CTSA: variants seen among roughly 807,000 people sequenced by gnomAD.
The protein encoded by CTSA is cathepsin A.
CTSA carries 42 observed loss-of-function variants against 66.7 expected under a neutral mutation model. That is an observed-to-expected ratio of 0.63 (90% CI 0.49 to 0.81). CTSA has a LOEUF of 0.81. Among genes scored for constraint, CTSA ranks in the 40% least tolerant of loss-of-function variants. CTSA has a pLI of 0.00. For missense variants in CTSA, 525 were observed against 610.9 expected (o/e 0.86, Z 1.48); for synonymous variants, 225 against 248.6 (o/e 0.91, Z 0.89).
intron 11 of CTSA, among the ~76,000 whole-genome samples, chr20:45,895,677 C>T (rs2145820563): frequency 6.6e-6 from 1 of 152,260 alleles, no homozygotes; most frequent in East Asian, 1.9e-4. Flanking sequence ...ACCTCCTAGG[C>T]TCAAGCGATC....
In CTSA at chr20:45,894,761, C is replaced by T. The variant is rs765166702; in HGVS notation, c.869+20C>T. 8.1e-6 allele frequency: 13 copies of T among 1,612,856 alleles called. No individual in the cohort carries two copies. The Admixed American group carries it at 1.2e-4, about 15-fold the overall frequency. On this transcript the variant is annotated intron_variant, in intron 9 of 14. Coordinates refer to ENST00000646241, the MANE Select transcript of CTSA (RefSeq NM_000308.4). ...TTTTAGGTAGGTGCTGCTGGGTGCC[C>T]CTGGAGCCAACCCCAGCCCCATCTG...
chr20:45,893,160 GT>G, intron 6 of CTSA, 59 bp from the exon 7 acceptor site: 6 of 1,432,256 alleles, frequency 4.2e-6, no homozygotes, highest in Non-Finnish European at 5.9e-6. Context: ...GGGTGGTAGG[GT>G]GAGGGAGGCT....
At chr20:45,897,094 C>A in intron 12 of CTSA, 54 bp downstream of exon 12, 3 of 1,393,734 alleles carry the variant, frequency 2.2e-6, no homozygotes, top group Non-Finnish European at 3.1e-6. Context: ...CCCAGAGTAG[C>A]ACAGCAAGCT....
chr20:45,891,473 G>C lies in CTSA; in HGVS notation c.-1+94G>C. The C allele has an allele frequency of 6.5e-7, 1 of 1,546,954 alleles. No individual in the cohort carries two copies. The highest frequency in any genetic ancestry group is 8.7e-7 in the Non-Finnish European group (1 of 1,146,076). ...GGGTGGGAGCTGGCGCTGGGGCCGG[G>C]GCTTCCCTCGCGGAGGCGCCGCCAG... On this transcript the variant is annotated intron_variant, in intron 1 of 14. Coordinates refer to ENST00000646241, the MANE Select transcript of CTSA (RefSeq NM_000308.4). The surrounding 1 kb of genome is among the most constrained non-coding windows in gnomAD (Gnocchi z 4.6).
At chr20:45,895,941 T>C (rs903383244) in intron 11 of CTSA, among the ~76,000 whole-genome samples, 1 of 152,174 alleles carries the variant, frequency 6.6e-6, no homozygotes, top group Non-Finnish European at 1.5e-5. Flanking sequence ...ACGCCTGTAA[T>C]CCTAGCACTT....
chr20:45,896,728 C>A (rs1425986273), intron 11 of CTSA: 2 of 541,844 alleles, frequency 3.7e-6, no homozygotes, highest in Non-Finnish European at 6.7e-6. Flanking sequence ...TGAGCCACCA[C>A]GCCCAGCATC....
chr20:45,895,343 C>A, intron 11 of CTSA: 1 of 587,530 alleles, frequency 1.7e-6, no homozygotes, highest in Non-Finnish European at 2.9e-6. Context: ...TTGTTTGAGA[C>A]AAGGTCTCAC....
chr20:45,892,124 C>A, intron 3 of CTSA, 97 bp downstream of exon 3: 1 of 1,456,560 alleles, frequency 6.9e-7, no homozygotes, highest in Non-Finnish European at 9.6e-7. Flanking sequence ...TTCCTTCCTT[C>A]TAAGCCTCGG....
intron 11 of CTSA, 35 bp downstream of exon 11, chr20:45,895,168 T>C (rs940706934): frequency 6.2e-7 from 1 of 1,613,566 alleles, no homozygotes; most frequent in African/African-American, 1.3e-5. Context: ...CTTGGGGTGG[T>C]GGGTTGCTGG....
chr20:45,893,260 A>G lies in CTSA; in HGVS notation c.641A>G (p.Asn214Ser), dbSNP rs1486940500. The change falls in exon 7 of 15, where the codon AAT (asparagine) becomes AGT (serine). Residue 214 changes from asparagine to serine, a missense_variant. Physicochemically the swap from Asn to Ser is conservative, Grantham distance 46. Coordinates refer to ENST00000646241, the MANE Select transcript of CTSA (RefSeq NM_000308.4). ...VGNGLSSYEQ[N>S]DNSLVYFAYY... ...AATGGACTCTCCTCCTATGAGCAGA[A>G]TGACAACTCCCTGGTCTACTTTGCC... is the stretch of plus-strand genomic sequence containing the variant. 2 of 1,614,140 alleles carry G rather than the reference A, an allele frequency of 1.2e-6. No homozygotes were observed. Among genetic ancestry groups the G allele is most frequent in the Non-Finnish European group, 1.7e-6 (2 of 1,180,024 alleles).
rs757997255 is a variant in CTSA, at chr20:45,892,427, A to T, written c.387A>T (p.Pro129=). 6.2e-7 allele frequency: 1 copy of T among 1,614,154 alleles called. No individual in the cohort carries two copies. The highest frequency in any genetic ancestry group is 1.7e-5 in the Admixed American group (1 of 60,010). The change falls in exon 5 of 15, where the codon CCA becomes CCT. Residue 129 remains proline (P), a synonymous_variant. Coordinates refer to ENST00000646241, the MANE Select transcript of CTSA (RefSeq NM_000308.4). ...CCAATGTGTTATACCTGGAGTCCCC[A>T]GCTGGGGTGGGCTTCTCCTACTCCG... ...LIANVLYLES[P]AGVGFSYSDD...
In CTSA at chr20:45,891,838, C is replaced by T. The variant is rs956979330; in HGVS notation, c.194+76C>T. 6 of 1,608,880 alleles carry T rather than the reference C, an allele frequency of 3.7e-6. No homozygotes were observed. The African/African-American group carries it at 5.3e-5, about 14-fold the overall frequency. On this transcript the variant is annotated intron_variant, in intron 2 of 14. Transcript: ENST00000646241. The surrounding 1 kb of genome is among the most constrained non-coding windows in gnomAD (Gnocchi z 4.6). ...GGGATGGGGGGTAGTTCTGCAGACC[C>T]CTGAGGATGCCTGGGAGCCGGGAGG...
Position 45,891,386 on chromosome 20 carries a change from T to C in CTSA, c.-1+7T>C, listed in dbSNP as rs749726417. 1.3e-5 allele frequency: 20 copies of C among 1,569,674 alleles called. No homozygotes were observed. The highest frequency in any genetic ancestry group is 6.0e-6 in the Non-Finnish European group (7 of 1,158,048). Reference sequence around the variant, plus strand: ...AGGACGCGGGGGAGCAGAGGTGAGCTGGCACCGGAGGCTGGAGGGGATCCC... The same window carrying C: ...AGGACGCGGGGGAGCAGAGGTGAGCCGGCACCGGAGGCTGGAGGGGATCCC... On this transcript the variant is annotated splice_region_variant and intron_variant, in intron 1 of 14. Transcript: ENST00000646241. The surrounding 1 kb of genome is among the most constrained non-coding windows in gnomAD (Gnocchi z 4.6).
chr20:45,897,158 G>A (rs1164526285), intron 12 of CTSA, 118 bp downstream of exon 12: 17 of 852,616 alleles, frequency 2.0e-5, no homozygotes, highest in Admixed American at 1.8e-5. Flanking sequence ...TCCGAAAGGC[G>A]AAGCCCAGGG....
At chr20:45,895,933 G>A (rs1040410257) in intron 11 of CTSA, among the ~76,000 whole-genome samples, 3 of 152,132 alleles carry the variant, frequency 2.0e-5, no homozygotes, top group Non-Finnish European at 2.9e-5. Context: ...AGTGGTTCAC[G>A]CCTGTAATCC....
chr20:45,894,838 T>C lies in CTSA; in HGVS notation c.885T>C (p.Thr295=), dbSNP rs143206710. The change falls in exon 10 of 15, where the codon ACT becomes ACC. Residue 295 remains threonine (T), a synonymous_variant. Transcript: ENST00000646241. ...CACATTGCAGGTATGAGAAGGACACTGTTGTGGTCCAGGATTTGGGCAACA... is the reference window on the plus strand; with the variant it reads ...CACATTGCAGGTATGAGAAGGACACCGTTGTGGTCCAGGATTTGGGCAACA... The part of the protein sequence containing the change: ...VPSHFRYEKD[T]VVVQDLGNIF... 26 of 1,613,966 alleles carry C rather than the reference T, an allele frequency of 1.6e-5. No individual in the cohort carries two copies. In the African/African-American group the frequency reaches 3.1e-4, roughly 19 times the overall value.
At position 45,898,257 on chromosome 20, in the gene CTSA, G is replaced by T. The variant is rs575305170; in HGVS notation, c.1360-110G>T. The T allele has an allele frequency of 4.2e-5, 55 of 1,314,650 alleles. No homozygotes were observed. The African/African-American group carries it at 7.7e-4, about 19-fold the overall frequency. 81.4% of individuals were successfully genotyped at this position (1,314,650 alleles called of 1,614,324 possible). ...AAGTTTTTTTGGAGAGGGGTGGGGAGGGTTCTGGGAAGAATAAAGGGTTTG... is the reference window on the plus strand; with the variant it reads ...AAGTTTTTTTGGAGAGGGGTGGGGATGGTTCTGGGAAGAATAAAGGGTTTG... On this transcript the variant is annotated intron_variant, in intron 14 of 14. Transcript: ENST00000646241. The surrounding 1 kb of genome is among the most constrained non-coding windows in gnomAD (Gnocchi z 4.6).
At chr20:45,896,324 C>CA (rs146333715) in intron 11 of CTSA, 2,592 of 164,674 alleles carry the variant, frequency 0.016, 31 homozygotes, top group Non-Finnish European at 0.023. Flanking sequence ...GGTCAGTGCT[C>CA]ACACTCTACC....
rs1340883085 is a variant in CTSA, at chr20:45,891,844, G to A, written c.195-72G>A. The A allele has an allele frequency of 3.7e-6, 6 of 1,608,358 alleles. No homozygotes were observed. The highest frequency in any genetic ancestry group is 1.1e-5 in the South Asian group (1 of 90,942). On this transcript the variant is annotated intron_variant, in intron 2 of 14. Coordinates refer to ENST00000646241, the MANE Select transcript of CTSA (RefSeq NM_000308.4). This position sits in a 1 kb window ranked among gnomAD's most constrained non-coding sequence, Gnocchi z 4.6. The stretch of plus-strand genomic sequence containing the variant: ...GGGGGTAGTTCTGCAGACCCCTGAG[G>A]ATGCCTGGGAGCCGGGAGGGCTGGA...
Sources: allele counts gnomAD v4.1 joint callset (sites outside exome capture counted in the v4.1 genomes callset), GRCh38; gene constraint gnomAD v4.1.1; non-coding constraint Gnocchi (gnomAD v3.1); transcripts MANE v1.5; gene names NCBI Gene and HGNC (gene_info 2026-07-23, HGNC 2026-07-21).